The following SETBP1 variants were observed in gnomAD, a reference collection of about 807,000 sequenced individuals.
SETBP1 encodes SET binding protein 1.
Under a neutral mutation model 101.0 loss-of-function variants are expected in SETBP1, and 9 were observed. The observed-to-expected ratio is 0.09, with a 90% CI of 0.05 to 0.16. The LOEUF (loss-of-function observed/expected upper bound fraction) is 0.16, where lower values mean the gene tolerates loss of function less well. Ranked by LOEUF, SETBP1 falls within the 10% of genes least tolerant of loss-of-function variation. The pLI is 1.00. For synonymous variants in SETBP1, 818 were observed against 788.5 expected, an observed-to-expected ratio of 1.04 and a Z score of -0.63; for missense variants, 1,858 against 2,033.8, an observed-to-expected ratio of 0.91 and a Z score of 1.66.
chr18:44,695,793 A>G (rs1292497483), intron 1 of SETBP1, among the ~76,000 whole-genome samples: 1 of 152,196 alleles, frequency 6.6e-6, no homozygotes, highest in Non-Finnish European at 1.5e-5. Flanking sequence ...TCTACTACCA[A>G]GAAATACAGT....
chr18:44,742,358 T>A (rs1277668211), intron 2 of SETBP1, among the ~76,000 whole-genome samples: 2 of 152,230 alleles, frequency 1.3e-5, no homozygotes, highest in Non-Finnish European at 2.9e-5. Flanking sequence ...TGAGGTCTTC[T>A]GGGAGATTTT....
intron 4 of SETBP1, among the ~76,000 whole-genome samples, chr18:44,953,977 G>A (rs1383345561): frequency 2.0e-5 from 3 of 152,068 alleles, no homozygotes; most frequent in Non-Finnish European, 2.9e-5. Flanking sequence ...TGTCATTTTC[G>A]TGCACTAAGT....
intron 4 of SETBP1, among the ~76,000 whole-genome samples, chr18:44,974,539 A>G (rs561105891): frequency 6.6e-6 from 1 of 152,184 alleles, no homozygotes; most frequent in Non-Finnish European, 1.5e-5. Context: ...TTCTAAACTA[A>G]AAGCCAGAGA....
intron 2 of SETBP1, among the ~76,000 whole-genome samples, chr18:44,770,163 G>A (rs2070842752): frequency 6.6e-6 from 1 of 152,198 alleles, no homozygotes; most frequent in South Asian, 2.1e-4. Flanking sequence ...AAATATTAAT[G>A]ACTGATAACT....
At chr18:44,944,747 G>A (rs570285846) in intron 3 of SETBP1, among the ~76,000 whole-genome samples, 1 of 152,178 alleles carries the variant, frequency 6.6e-6, no homozygotes, top group East Asian at 1.9e-4. Context: ...ACCCAAAAGA[G>A]TAGTTTATCT....
At chr18:44,956,882 C>T (rs1274109681) in intron 4 of SETBP1, among the ~76,000 whole-genome samples, 1 of 152,170 alleles carries the variant, frequency 6.6e-6, no homozygotes, top group African/African-American at 2.4e-5. Context: ...CTTGTTAGCC[C>T]ACTTCTAACA....
At chr18:44,811,062 T>A (rs1005768268) in intron 2 of SETBP1, among the ~76,000 whole-genome samples, 1 of 152,222 alleles carries the variant, frequency 6.6e-6, no homozygotes, top group East Asian at 1.9e-4. Context: ...CTGTTTGATC[T>A]AAGAGTCAGG....
intron 4 of SETBP1, among the ~76,000 whole-genome samples, chr18:44,979,442 T>G (rs1325215170): frequency 6.6e-6 from 1 of 152,180 alleles, no homozygotes; most frequent in Non-Finnish European, 1.5e-5. Context: ...ATCCACAATC[T>G]TGAAATAAAA....
intron 2 of SETBP1, among the ~76,000 whole-genome samples, chr18:44,777,579 C>T (rs2071031248): frequency 6.6e-6 from 1 of 152,128 alleles, no homozygotes; most frequent in South Asian, 2.1e-4. Flanking sequence ...GGCTGTTCTG[C>T]TCACCCCTTC....
chr18:44,799,818 G>A (rs1406918079), intron 2 of SETBP1, among the ~76,000 whole-genome samples: 1 of 152,130 alleles, frequency 6.6e-6, no homozygotes, highest in Non-Finnish European at 1.5e-5. Flanking sequence ...CCTCCCTTTT[G>A]TGATCTCCTG....
At chr18:44,914,200 A>T (rs1010179148) in intron 3 of SETBP1, among the ~76,000 whole-genome samples, 2 of 152,198 alleles carry the variant, frequency 1.3e-5, no homozygotes, top group African/African-American at 4.8e-5. Flanking sequence ...AACCCAAAGT[A>T]AACTGCAGTG....
rs1291234052 is a variant in SETBP1, at chr18:45,063,488, G to A, written c.4581G>A (p.Pro1527=). 2.2e-5 allele frequency: 23 copies of A among 1,061,312 alleles called. No homozygotes were observed. The highest frequency in any genetic ancestry group is 1.0e-4 in the Admixed American group (2 of 19,734). The allele number at this position is 1,061,312 out of a possible 1,614,324, so 65.7% of individuals were successfully genotyped here. The change falls in exon 6 of 6, where the codon CCG becomes CCA. Residue 1527 remains proline, a synonymous_variant. Coordinates refer to ENST00000649279, the MANE Select transcript of SETBP1 (RefSeq NM_015559.3). The part of the protein sequence containing the change: ...REAPPLPPPP[P]PPLPPPPPPP... Reference sequence around the variant, plus strand: ...CGCCGCCCCTGCCCCCGCCACCGCCGCCGCCCCTGCCGCCACCGCCGCCAC... The same window carrying A: ...CGCCGCCCCTGCCCCCGCCACCGCCACCGCCCCTGCCGCCACCGCCGCCAC...
intron 2 of SETBP1, among the ~76,000 whole-genome samples, chr18:44,773,169 A>G (rs947732001): frequency 2.0e-5 from 3 of 152,226 alleles, no homozygotes; most frequent in African/African-American, 7.2e-5. Context: ...AAAAAAATAA[A>G]TGTATAGACA....
intron 2 of SETBP1, among the ~76,000 whole-genome samples, chr18:44,804,950 G>A (rs540752707): frequency 6.6e-6 from 1 of 152,188 alleles, no homozygotes; most frequent in East Asian, 1.9e-4. Context: ...GTGTTTCACA[G>A]AACACACAGT....
At chr18:44,861,512 C>T (rs1354915757) in intron 2 of SETBP1, among the ~76,000 whole-genome samples, 1 of 151,994 alleles carries the variant, frequency 6.6e-6, no homozygotes, top group Non-Finnish European at 1.5e-5. Context: ...TCTTATTCAT[C>T]ATTCATTTCA....
chr18:44,810,092 C>A (rs1599158540), intron 2 of SETBP1, among the ~76,000 whole-genome samples: 1 of 152,314 alleles, frequency 6.6e-6, no homozygotes, highest in Admixed American at 6.5e-5. Flanking sequence ...CAGTGGGGAG[C>A]TCTTATCCTG....
At chr18:44,943,014 C>T (rs1012297350) in intron 3 of SETBP1, among the ~76,000 whole-genome samples, 1 of 152,160 alleles carries the variant, frequency 6.6e-6, no homozygotes. Flanking sequence ...TGGATAGCTT[C>T]TCTGTGTCCA....
chr18:44,992,689 T>C (rs2072404682), intron 4 of SETBP1, among the ~76,000 whole-genome samples: 1 of 152,016 alleles, frequency 6.6e-6, no homozygotes, highest in Non-Finnish European at 1.5e-5. Flanking sequence ...CCTTTAATCA[T>C]TAAATAAATA....
At chr18:45,058,606 C>T (rs185624746) in intron 5 of SETBP1, among the ~76,000 whole-genome samples, 48 of 152,222 alleles carry the variant, frequency 3.2e-4, no homozygotes, top group African/African-American at 9.6e-4. Flanking sequence ...TTCTTCTACA[C>T]GGAATCGTTT....
Sources: allele counts gnomAD v4.1 joint callset (sites outside exome capture counted in the v4.1 genomes callset), GRCh38; gene constraint gnomAD v4.1.1; transcripts MANE v1.5; gene names NCBI Gene and HGNC (gene_info 2026-07-23, HGNC 2026-07-21).